Variants in DCAF8L2 observed in about 807,000 individuals in gnomAD.
DCAF8L2 encodes the protein DDB1 and CUL4 associated factor 8 like 2.
For missense variants in DCAF8L2, 430 were observed against 490.7 expected, an observed-to-expected ratio of 0.88 and a Z score of 1.17; for synonymous variants, 200 against 190.9, an observed-to-expected ratio of 1.05 and a Z score of -0.39.
At chrX:27,471,185 C>T in the DCAF8L2 span, among the ~76,000 whole-genome samples, 1 of 112,020 alleles carries the variant, frequency 8.9e-6, no homozygotes, top group Non-Finnish European at 1.9e-5. Flanking sequence ...GTCGTCTTTT[C>T]ATGTCTGATA....
intron 2 of DCAF8L2, among the ~76,000 whole-genome samples, chrX:27,648,160 G>C (rs756248820): frequency 9.0e-6 from 1 of 110,993 alleles, no homozygotes; most frequent in Non-Finnish European, 1.9e-5. Context: ...AGGAAAAAAG[G>C]ATACTTTTTA....
chrX:27,629,467 C>A (rs1161067950), intron 1 of DCAF8L2, among the ~76,000 whole-genome samples: 1 of 103,771 alleles, frequency 9.6e-6, no homozygotes, highest in Admixed American at 1.0e-4. Flanking sequence ...TCTCTTTTTT[C>A]TTTCTTTCTT....
At chrX:27,630,590 G>A (rs777541549) in intron 1 of DCAF8L2, among the ~76,000 whole-genome samples, 51 of 111,620 alleles carry the variant, frequency 4.6e-4, no homozygotes, top group South Asian at 1.1e-3. Flanking sequence ...GGCTAATATC[G>A]TTGATGAATA....
chrX:27,647,230 TA>T (rs963260960), intron 2 of DCAF8L2, among the ~76,000 whole-genome samples: 11 of 111,899 alleles, frequency 9.8e-5, no homozygotes, highest in African/African-American at 3.6e-4. Context: ...TATGCAGCCA[TA>T]AAAGGAATGA....
chrX:27,515,704 T>C, the DCAF8L2 span, among the ~76,000 whole-genome samples: 1 of 112,465 alleles, frequency 8.9e-6, no homozygotes, highest in African/African-American at 3.2e-5. Context: ...CAAGCTATGG[T>C]AGTGCACATA....
chrX:27,666,916 T>A (rs1401849394), intron 2 of DCAF8L2, among the ~76,000 whole-genome samples: 1 of 112,145 alleles, frequency 8.9e-6, no homozygotes, highest in Non-Finnish European at 1.9e-5. Context: ...AGACTAGTGC[T>A]TTTCAAACTT....
At chrX:27,692,498 C>A (rs1930747991) in intron 3 of DCAF8L2, among the ~76,000 whole-genome samples, 1 of 111,779 alleles carries the variant, frequency 8.9e-6, no homozygotes, top group African/African-American at 3.2e-5. Flanking sequence ...TCATTCAAAT[C>A]TATTCATAAA....
chrX:27,588,354 T>C (rs1040847508), upstream of DCAF8L2, among the ~76,000 whole-genome samples: 2 of 111,078 alleles, frequency 1.8e-5, no homozygotes, highest in South Asian at 7.6e-4. Flanking sequence ...GGCTGCATAG[T>C]ATTTCATGGT....
the DCAF8L2 span, among the ~76,000 whole-genome samples, chrX:27,539,823 T>C: frequency 3.6e-5 from 4 of 111,388 alleles, no homozygotes; most frequent in South Asian, 1.1e-3. Context: ...TTTATCTAGA[T>C]TGAGGTCTCA....
At chrX:27,605,822 A>C (rs909753667) in intron 1 of DCAF8L2, among the ~76,000 whole-genome samples, 2 of 111,770 alleles carry the variant, frequency 1.8e-5, no homozygotes, top group Non-Finnish European at 3.8e-5. Context: ...GAGAAAAACA[A>C]GTAGTGAAAT....
the DCAF8L2 span, among the ~76,000 whole-genome samples, chrX:27,562,053 A>G: frequency 8.9e-5 from 10 of 111,989 alleles, no homozygotes; most frequent in African/African-American, 1.6e-4. Flanking sequence ...CAGTTTTTTC[A>G]CATGCCTGTA....
the DCAF8L2 span, among the ~76,000 whole-genome samples, chrX:27,494,493 C>T: frequency 8.9e-6 from 1 of 112,283 alleles, no homozygotes; most frequent in East Asian, 2.8e-4. Context: ...AGTTTAATAT[C>T]TTAAGAAACT....
chrX:27,680,236 G>A (rs1930276018), intron 3 of DCAF8L2, among the ~76,000 whole-genome samples: 1 of 111,160 alleles, frequency 9.0e-6, no homozygotes, highest in East Asian at 2.9e-4. Context: ...CCTAAGAGTC[G>A]TCATATCTCT....
rs187855432 is a variant in DCAF8L2 at position 27,648,725 on chromosome X, T to C, written c.-220+16725T>C. Among the ~76,000 whole-genome samples, 311 of 111,041 alleles carry C rather than the reference T, an allele frequency of 2.8e-3. 4 individuals carry two copies. The highest frequency in any genetic ancestry group is 9.8e-3 in the African/African-American group (300 of 30,715). The stretch of plus-strand genomic sequence containing the variant: ...CAGTACTGATGTTACAAGTCTCAGG[T>C]GTTCGAGGCAGTTACTGATACACAG... On this transcript the variant is annotated intron_variant, in intron 2 of 4. Transcript: ENST00000451261.
At chrX:27,605,687 T>G (rs1044541331) in intron 1 of DCAF8L2, among the ~76,000 whole-genome samples, 1 of 111,846 alleles carries the variant, frequency 8.9e-6, no homozygotes, top group Admixed American at 9.6e-5. Flanking sequence ...TTTTTGCAGG[T>G]GCTTTTTACA....
the DCAF8L2 span, among the ~76,000 whole-genome samples, chrX:27,539,555 T>C: frequency 2.8e-4 from 31 of 112,036 alleles, no homozygotes; most frequent in African/African-American, 1.0e-3. Context: ...GTTTCATCTT[T>C]TTAAACTATA....
chrX:27,528,393 C>G, the DCAF8L2 span, among the ~76,000 whole-genome samples: 1 of 103,817 alleles, frequency 9.6e-6, no homozygotes, highest in Non-Finnish European at 1.9e-5. Flanking sequence ...CAATATTCTT[C>G]CTCTCAAGGA....
chrX:27,666,398 A>G (rs1000877274), intron 2 of DCAF8L2, among the ~76,000 whole-genome samples: 13 of 112,026 alleles, frequency 1.2e-4, no homozygotes, highest in Non-Finnish European at 2.3e-4. Context: ...GACACTTACT[A>G]CTTTATATTA....
At chrX:27,602,205 T>C (rs1160446100) in intron 1 of DCAF8L2, among the ~76,000 whole-genome samples, 1 of 110,671 alleles carries the variant, frequency 9.0e-6, no homozygotes, top group Admixed American at 9.7e-5. Context: ...CCAGCTAATT[T>C]TGTATTTTTA....
Sources: gnomAD v4.1 joint callset for allele counts (sites outside exome capture counted in the v4.1 genomes callset) on GRCh38, gnomAD v4.1.1 for gene constraint, MANE v1.5 for transcripts, NCBI Gene and HGNC (gene_info 2026-07-23, HGNC 2026-07-21) for gene names.